The following ASPH variants were observed in gnomAD, a reference collection of about 807,000 sequenced individuals.
ASPH encodes the protein aspartyl/asparaginyl beta-hydroxylase.
ASPH carries 100 observed loss-of-function variants against 118.4 expected under a neutral mutation model. The observed-to-expected ratio is 0.84, with a 90% CI of 0.72 to 1.00. ASPH has a LOEUF of 1.00. Among genes scored for constraint, ASPH ranks in the 50% least tolerant of loss-of-function variants. ASPH has a pLI of 0.00. For synonymous variants in ASPH, 315 were observed against 325.6 expected (o/e 0.97, Z 0.35); for missense variants, 920 against 919.5 (o/e 1.00, Z -0.01).
chr8:61,679,558 AAAAC>A (rs544883738), intron 3 of ASPH, among the ~76,000 whole-genome samples: 4 of 152,034 alleles, frequency 2.6e-5, no homozygotes, highest in East Asian at 1.9e-4. Flanking sequence ...GTTTTAAGCA[AAAAC>A]AAACAAACAA....
chr8:61,655,580 T>G (rs1415893268), intron 3 of ASPH, among the ~76,000 whole-genome samples: 1 of 152,104 alleles, frequency 6.6e-6, no homozygotes, highest in Non-Finnish European at 1.5e-5. Flanking sequence ...TCTTAATGAG[T>G]TTTGAAGTTT....
At chr8:61,621,724 A>G (rs1850996341) in intron 13 of ASPH, among the ~76,000 whole-genome samples, 1 of 152,226 alleles carries the variant, frequency 6.6e-6, no homozygotes, top group African/African-American at 2.4e-5. Flanking sequence ...AACAAAACCA[A>G]TTTCAGAGAC....
At chr8:61,703,520 A>G (rs1284943675) in intron 1 of ASPH, among the ~76,000 whole-genome samples, 4 of 152,218 alleles carry the variant, frequency 2.6e-5, no homozygotes, top group Non-Finnish European at 5.9e-5. Flanking sequence ...GATTTCTAAT[A>G]GCATCAAAAA....
At chr8:61,700,658 GAAAC>G (rs954704978) in intron 1 of ASPH, among the ~76,000 whole-genome samples, 18 of 152,150 alleles carry the variant, frequency 1.2e-4, no homozygotes, top group Non-Finnish European at 4.4e-5. Flanking sequence ...TATTTCACAG[GAAAC>G]AAACAACGTA....
intron 10 of ASPH, among the ~76,000 whole-genome samples, chr8:61,639,675 C>G (rs925245124): frequency 2.0e-5 from 3 of 152,168 alleles, no homozygotes; most frequent in African/African-American, 7.2e-5. Context: ...CGTAACTACT[C>G]TGATGGTTCC....
chr8:61,573,270 G>A (rs990270364), intron 16 of ASPH, among the ~76,000 whole-genome samples: 11 of 152,186 alleles, frequency 7.2e-5, no homozygotes, highest in Non-Finnish European at 1.5e-4. Context: ...TCAATATCGT[G>A]AAAATGGCCA....
chr8:61,616,394 G>A (rs1010461451), intron 14 of ASPH, among the ~76,000 whole-genome samples: 1 of 152,172 alleles, frequency 6.6e-6, no homozygotes, highest in Non-Finnish European at 1.5e-5. Flanking sequence ...TTTGGGGCAG[G>A]TTTGCAAGTG....
intron 6 of ASPH, among the ~76,000 whole-genome samples, chr8:61,644,924 C>G (rs1185623153): frequency 6.6e-6 from 1 of 152,140 alleles, no homozygotes. Flanking sequence ...CCAGGAAAGC[C>G]GTTCATTTCT....
chr8:61,703,939 AAAC>A (rs1835864999), intron 1 of ASPH, among the ~76,000 whole-genome samples: 1 of 152,182 alleles, frequency 6.6e-6, no homozygotes, highest in African/African-American at 2.4e-5. Flanking sequence ...GATAACAAAA[AAAC>A]AGAGGGACTT....
intron 18 of ASPH, among the ~76,000 whole-genome samples, chr8:61,561,112 GAGGGAGGGAGGGAGGGAGGGAGGGAGGA>G (rs1829764905): frequency 2.5e-5 from 1 of 39,894 alleles, no homozygotes; most frequent in African/African-American, 6.5e-5. Flanking sequence ...GGGAGGGAGG[GAGGGAGGGAGGGAGGGAGGGAGGGAGGA>G]AGGAAGTTAG....
intron 1 of ASPH, among the ~76,000 whole-genome samples, chr8:61,701,526 T>C (rs1269623801): frequency 6.6e-6 from 1 of 152,230 alleles, no homozygotes; most frequent in East Asian, 1.9e-4. Flanking sequence ...ATAAGTTAAT[T>C]TCATTTTAAT....
At chr8:61,705,339 C>T (rs1025390843) in intron 1 of ASPH, among the ~76,000 whole-genome samples, 63 of 151,964 alleles carry the variant, frequency 4.1e-4, no homozygotes, top group African/African-American at 1.5e-3. Context: ...TACACCAAAC[C>T]CCTGTGACAT....
At chr8:61,621,828 A>G (rs938403625) in intron 13 of ASPH, among the ~76,000 whole-genome samples, 1 of 152,254 alleles carries the variant, frequency 6.6e-6, no homozygotes, top group Non-Finnish European at 1.5e-5. Flanking sequence ...CCCATCCCTG[A>G]AAATTACAAA....
intron 1 of ASPH, among the ~76,000 whole-genome samples, chr8:61,710,130 T>C (rs765912380): frequency 2.0e-5 from 3 of 152,204 alleles, no homozygotes; most frequent in African/African-American, 7.2e-5. Flanking sequence ...CAAAGCCATA[T>C]GAAATCAGCA....
At chr8:61,693,625 T>A (rs933799003) in intron 1 of ASPH, among the ~76,000 whole-genome samples, 1 of 151,664 alleles carries the variant, frequency 6.6e-6, no homozygotes, top group Non-Finnish European at 1.5e-5. Flanking sequence ...CACCTCCACA[T>A]GCAAGGGTTT....
At chr8:61,675,945 T>G (rs1825077381) in intron 3 of ASPH, 2 of 1,506,502 alleles carry the variant, frequency 1.3e-6, no homozygotes, top group East Asian at 4.5e-5. Context: ...CAAGATCACA[T>G]GGTTGACTTG....
intron 17 of ASPH, among the ~76,000 whole-genome samples, chr8:61,566,824 A>T (rs925514242): frequency 6.6e-6 from 1 of 152,204 alleles, no homozygotes; most frequent in African/African-American, 2.4e-5. Context: ...TAAGGCTTGG[A>T]CATTGTCTTT....
At chr8:61,684,283 CAAT>C in intron 1 of ASPH, 95 bp from the exon 2 acceptor site, 1 of 1,286,388 alleles carries the variant, frequency 7.8e-7, no homozygotes, top group Non-Finnish European at 1.1e-6. Context: ...GGATTATGTA[CAAT>C]GATAGATCAT....
At chr8:61,704,969 C>T (rs1200202888) in intron 1 of ASPH, among the ~76,000 whole-genome samples, 1 of 152,186 alleles carries the variant, frequency 6.6e-6, no homozygotes, top group Non-Finnish European at 1.5e-5. Flanking sequence ...TAATCCCTCT[C>T]TTGCTCAAGA....
Sources: gnomAD v4.1 joint callset for allele counts (sites outside exome capture counted in the v4.1 genomes callset) on GRCh38, gnomAD v4.1.1 for gene constraint, MANE v1.5 for transcripts, NCBI Gene and HGNC (gene_info 2026-07-23, HGNC 2026-07-21) for gene names.